Variants in ZNF429 observed in about 807,000 individuals in gnomAD.
ZNF429 encodes the protein zinc finger protein 429.
Under a neutral mutation model 56.8 loss-of-function variants are expected in ZNF429, and 53 were observed. The observed-to-expected ratio is 0.93, with a 90% CI of 0.75 to 1.17. The LOEUF (loss-of-function observed/expected upper bound fraction) is 1.17, where lower values mean the gene tolerates loss of function less well. Ranked by LOEUF, ZNF429 falls within the 50% of genes most tolerant of loss-of-function variation. The pLI, the probability that ZNF429 is intolerant of heterozygous loss-of-function variation, is 0.00. For missense variants in ZNF429, 849 were observed against 788.4 expected, an observed-to-expected ratio of 1.08 and a Z score of -0.92; for synonymous variants, 278 against 264.7, an observed-to-expected ratio of 1.05 and a Z score of -0.49.
chr19:21,536,178 G>A, intron 3 of ZNF429, 102 bp from the exon 4 acceptor site: 1 of 1,221,304 alleles, frequency 8.2e-7, no homozygotes. Flanking sequence ...TTGCTATGCT[G>A]TGTTGCTTAC....
intron 3 of ZNF429, among the ~76,000 whole-genome samples, chr19:21,535,469 T>TC: frequency 1.0e-5 from 1 of 99,414 alleles, no homozygotes; most frequent in Admixed American, 1.2e-4. Flanking sequence ...TCTTTCTTTC[T>TC]TTCTTTCTTT....
chr19:21,539,228 A>G lies in ZNF429; in HGVS notation c.*1150A>G, dbSNP rs1427230161. 6.6e-6 allele frequency among the ~76,000 whole-genome samples: 1 copy of G among 152,148 alleles called. No individual in the cohort carries two copies. Among genetic ancestry groups the G allele is most frequent in the African/African-American group, 2.4e-5 (1 of 41,446 alleles). On this transcript the variant is annotated 3_prime_UTR_variant, in exon 4 of 4. Transcript: ENST00000358491. ...GATATTGAATACATGTATTAAATAC[A>G]TAGAATATGATATTTAATACATAGA...
Position 21,516,411 on chromosome 19 carries a change from G to A in ZNF429, c.3+10637G>A, listed in dbSNP as rs139221243. ...CGCTTTGTTCTTTTTGCTTAGGATT[G>A]CATTGGCTCTTCGGGCTTTTTTTGT... On this transcript the variant is annotated intron_variant, in intron 1 of 3. Coordinates refer to ENST00000358491, the MANE Select transcript of ZNF429 (RefSeq NM_001001415.4). 2.4e-3 allele frequency among the ~76,000 whole-genome samples: 362 copies of A among 152,222 alleles called. 1 individual carries two copies. The highest frequency in any genetic ancestry group is 4.0e-3 in the Non-Finnish European group (270 of 68,016).
At chr19:21,507,247 C>T (rs1288529624) in intron 1 of ZNF429, among the ~76,000 whole-genome samples, 1 of 152,192 alleles carries the variant, frequency 6.6e-6, no homozygotes, top group African/African-American at 2.4e-5. Context: ...CTAACTCTGG[C>T]TTGCAGTAAA....
intron 1 of ZNF429, among the ~76,000 whole-genome samples, chr19:21,506,760 GTTTTTTGTTT>G (rs1354150186): frequency 8.4e-6 from 1 of 119,660 alleles, no homozygotes; most frequent in African/African-American, 3.2e-5. Flanking sequence ...ATTTGAGTTA[GTTTTTTGTTT>G]TTTTTTTTTT....
intron 1 of ZNF429, among the ~76,000 whole-genome samples, chr19:21,525,462 T>C (rs1363089677): frequency 6.6e-6 from 1 of 152,148 alleles, no homozygotes; most frequent in Non-Finnish European, 1.5e-5. Flanking sequence ...GGCCCAGTTC[T>C]GTTCAGATTC....
In ZNF429 at chr19:21,537,114, C is replaced by T. The variant is rs775153546; in HGVS notation, c.1061C>T (p.Ser354Leu). 9 of 1,613,782 alleles carry T rather than the reference C, an allele frequency of 5.6e-6. No homozygotes were observed. The highest frequency in any genetic ancestry group is 1.1e-5 in the South Asian group (1 of 91,070). ...TGTGGCAAAGCCTTTAACTGGTCTT[C>T]AACTCTTACTAAACATAAGGTAATT... ...EECGKAFNWS[S>L]TLTKHKVIHT... The change falls in exon 4 of 4, where the codon TCA (serine) becomes TTA (leucine). Residue 354 changes from serine (S) to leucine (L), a missense_variant. Coordinates refer to ENST00000358491, the MANE Select transcript of ZNF429 (RefSeq NM_001001415.4).
At chr19:21,514,464 G>A (rs553499503) in intron 1 of ZNF429, among the ~76,000 whole-genome samples, 1 of 151,748 alleles carries the variant, frequency 6.6e-6, no homozygotes, top group South Asian at 2.1e-4. Flanking sequence ...GTTTTCTGAG[G>A]ATAATGGGCT....
At chr19:21,531,999 A>G in intron 3 of ZNF429, among the ~76,000 whole-genome samples, 3 of 152,326 alleles carry the variant, frequency 2.0e-5, no homozygotes, top group African/African-American at 7.2e-5. Context: ...CACTTAAACT[A>G]TCTGATAGAA....
At position 21,537,715 on chromosome 19, in the gene ZNF429, A is replaced by G. The variant is rs371230317; in HGVS notation, c.1662A>G (p.Gln554=). 3.5e-5 allele frequency: 57 copies of G among 1,613,724 alleles called. No individual in the cohort carries two copies. The Admixed American group carries it at 8.0e-4, about 23-fold the overall frequency. The stretch of plus-strand genomic sequence containing the variant: ...TTAACCGGTCCTCAAGACTTACTCA[A>G]CATAAGAAAATTCATACTGGAGAGA... ...KAFNRSSRLT[Q]HKKIHTGEKP... is the part of the protein sequence containing the mutation. Residue 554 remains glutamine (Q), a synonymous_variant, in exon 4 of 4, where the codon CAA becomes CAG. Transcript: ENST00000358491.
At chr19:21,507,680 G>A (rs1286630556) in intron 1 of ZNF429, 1 of 152,548 alleles carries the variant, frequency 6.6e-6, no homozygotes, top group Non-Finnish European at 1.5e-5. Flanking sequence ...CTGCAAGACT[G>A]TCTAATGAAT....
rs1254141957 is a variant in ZNF429, at chr19:21,505,634, C to T, written c.-138C>T. On this transcript the variant is annotated 5_prime_UTR_variant, in exon 1 of 4. Transcript: ENST00000358491. ...CCGGAATATGGCGGGGCGTTTGGCT[C>T]TTGCTGCAGCCAGAGCTCCAGGTCT... 3 of 858,604 alleles carry T rather than the reference C, an allele frequency of 3.5e-6. No homozygotes were observed. Among genetic ancestry groups the T allele is most frequent in the South Asian group, 1.8e-5 (1 of 55,478 alleles). 53.2% of individuals were successfully genotyped at this position (858,604 alleles called of 1,614,324 possible).
At chr19:21,514,310 A>G (rs771869817) in intron 1 of ZNF429, among the ~76,000 whole-genome samples, 2 of 152,198 alleles carry the variant, frequency 1.3e-5, no homozygotes, top group African/African-American at 4.8e-5. Flanking sequence ...AGCATCAAAC[A>G]GGTATTTCTT....
In ZNF429 at chr19:21,505,620, C is replaced by T. The variant is rs1053571886; in HGVS notation, c.-152C>T. The T allele has an allele frequency of 2.3e-5, 15 of 656,106 alleles. No homozygotes were observed. Among genetic ancestry groups the T allele is most frequent in the African/African-American group, 3.8e-5 (2 of 52,732 alleles). 40.6% of individuals were successfully genotyped at this position (656,106 alleles called of 1,614,324 possible). A position where few individuals can be genotyped will look rare whatever the true frequency, so the allele number is the denominator to read the frequency against. ...CGACAGGACGGTTTCCGGAATATGGCGGGGCGTTTGGCTCTTGCTGCAGCC... is the reference window on the plus strand; with the variant it reads ...CGACAGGACGGTTTCCGGAATATGGTGGGGCGTTTGGCTCTTGCTGCAGCC... On this transcript the variant is annotated 5_prime_UTR_variant, in exon 1 of 4. Coordinates refer to ENST00000358491, the MANE Select transcript of ZNF429 (RefSeq NM_001001415.4).
intron 1 of ZNF429, among the ~76,000 whole-genome samples, chr19:21,524,317 C>T (rs1487731923): frequency 6.6e-6 from 1 of 152,188 alleles, no homozygotes; most frequent in Non-Finnish European, 1.5e-5. Flanking sequence ...ATCACGACGT[C>T]AGGAGTTGGA....
Position 21,536,679 on chromosome 19 carries a change from CCT to C in ZNF429, c.627_628del (p.Phe210Ter). 6.2e-7 allele frequency: 1 copy of C among 1,613,940 alleles called. No homozygotes were observed. The highest frequency in any genetic ancestry group is 1.1e-5 in the South Asian group (1 of 91,084). On this transcript the variant is annotated frameshift_variant, in exon 4 of 4. Coordinates refer to ENST00000358491, the MANE Select transcript of ZNF429 (RefSeq NM_001001415.4). LOFTEE classifies it high-confidence loss of function. ...TACAGATGTAAAGAATTTGGCAATGCCTTTAATCAGTCCTCAGCCCTTACTAA... is the reference window on the plus strand; with the variant it reads ...TACAGATGTAAAGAATTTGGCAATGCTTAATCAGTCCTCAGCCCTTACTAA...
intron 1 of ZNF429, among the ~76,000 whole-genome samples, chr19:21,528,115 G>A (rs924173792): frequency 1.3e-5 from 2 of 152,006 alleles, no homozygotes; most frequent in Non-Finnish European, 2.9e-5. Context: ...AATTCTCACC[G>A]ATTATAAATT....
intron 1 of ZNF429, among the ~76,000 whole-genome samples, chr19:21,512,198 T>C (rs568979292): frequency 1.1e-4 from 16 of 152,244 alleles, no homozygotes; most frequent in African/African-American, 3.9e-4. Flanking sequence ...TGATATTGCA[T>C]TGGCATTTGT....
intron 3 of ZNF429, 108 bp from the exon 4 acceptor site, chr19:21,536,172 T>G: frequency 8.9e-7 from 1 of 1,126,972 alleles, no homozygotes; most frequent in Non-Finnish European, 1.2e-6. Flanking sequence ...GGTATTTTGC[T>G]ATGCTGTGTT....
Sources: allele counts gnomAD v4.1 joint callset (sites outside exome capture counted in the v4.1 genomes callset), GRCh38; gene constraint gnomAD v4.1.1; transcripts MANE v1.5; gene names NCBI Gene and HGNC (gene_info 2026-07-23, HGNC 2026-07-21).